Variants in IQCE observed in about 807,000 individuals in gnomAD.
IQCE encodes IQ motif containing E.
Under a neutral mutation model 96.0 loss-of-function variants are expected in IQCE, and 115 were observed. That is an observed-to-expected ratio of 1.20 (90% CI 1.03 to 1.40). IQCE has a LOEUF of 1.40. Ranked by LOEUF, IQCE falls within the 40% of genes most tolerant of loss-of-function variation. The pLI, the probability that IQCE is intolerant of heterozygous loss-of-function variation, is 0.00. For synonymous variants in IQCE, 412 were observed against 371.2 expected, an observed-to-expected ratio of 1.11 and a Z score of -1.26; for missense variants, 1,041 against 909.1, an observed-to-expected ratio of 1.15 and a Z score of -1.87.
In IQCE at chr7:2,611,506, CT is replaced by C. The variant is rs1785104296; in HGVS notation, c.*1346del. The C allele has an allele frequency of 6.6e-6, 1 of 152,272 alleles. No individual in the cohort carries two copies. The highest frequency in any genetic ancestry group is 1.5e-5 in the Non-Finnish European group (1 of 68,068). The allele number at this position is 152,272 out of a possible 1,614,324, so 9.4% of individuals were successfully genotyped here. ...GGCGCCTTTTCTGCAGCATGGCGGC[CT>C]TCTGAGTCACCTAAGCTGAGCCTGG... On this transcript the variant is annotated 3_prime_UTR_variant, in exon 22 of 22. Transcript: ENST00000402050.
chr7:2,602,479 C>T (rs1784499265), intron 18 of IQCE, among the ~76,000 whole-genome samples: 1 of 152,162 alleles, frequency 6.6e-6, no homozygotes, highest in Non-Finnish European at 1.5e-5. Flanking sequence ...GAGGACCCCG[C>T]CTCAGTCACT....
At chr7:2,578,190 G>T in intron 6 of IQCE, 52 bp from the exon 7 acceptor site, 3 of 1,384,980 alleles carry the variant, frequency 2.2e-6, no homozygotes, top group South Asian at 1.2e-5. Context: ...CGTGTGTGCG[G>T]CGTGTGCGCA....
At position 2,578,224 on chromosome 7, in the gene IQCE, G is replaced by T. The variant is rs761877942; in HGVS notation, c.466-18G>T. The T allele has an allele frequency of 3.2e-6, 5 of 1,587,290 alleles. No individual in the cohort carries two copies. In the African/African-American group the frequency reaches 6.8e-5, roughly 22 times the overall value. ...CAGCTTCGTGTGGATGGCTGTGCATGGCCCTTGTTTTCTTCAGTCATTGCA... is the reference window on the plus strand; with the variant it reads ...CAGCTTCGTGTGGATGGCTGTGCATTGCCCTTGTTTTCTTCAGTCATTGCA... On this transcript the variant is annotated intron_variant, in intron 6 of 21. Coordinates refer to ENST00000402050, the MANE Select transcript of IQCE (RefSeq NM_152558.5).
Position 2,571,427 on chromosome 7 carries a change from C to T in IQCE, c.131-99C>T, listed in dbSNP as rs1208470013. 9.4e-6 allele frequency: 14 copies of T among 1,490,978 alleles called. No individual in the cohort carries two copies. In the African/African-American group the frequency reaches 9.7e-5, roughly 10 times the overall value. 92.4% of individuals were successfully genotyped at this position (1,490,978 alleles called of 1,614,324 possible). A position where few individuals can be genotyped will look rare whatever the true frequency, so the allele number is the denominator to read the frequency against. ...AATGTTTGACTAGAGTCACCACGCT[C>T]GTGGATTTTGTTTTCCTATTTCTGT... On this transcript the variant is annotated intron_variant, in intron 3 of 21. Coordinates refer to ENST00000402050, the MANE Select transcript of IQCE (RefSeq NM_152558.5).
At chr7:2,587,188 C>G (rs572398368) in intron 12 of IQCE, among the ~76,000 whole-genome samples, 1 of 152,082 alleles carries the variant, frequency 6.6e-6, no homozygotes, top group Admixed American at 6.5e-5. Flanking sequence ...GACAGAGTTG[C>G]TATTTCCTGA....
At position 2,587,948 on chromosome 7, in the gene IQCE, G is replaced by C. The variant is rs922895543; in HGVS notation, c.1044+71G>C. The C allele has an allele frequency of 2.8e-6, 4 of 1,403,828 alleles. No individual in the cohort carries two copies. In the East Asian group the frequency reaches 9.1e-5, roughly 32 times the overall value. The allele number at this position is 1,403,828 out of a possible 1,614,324, so 87.0% of individuals were successfully genotyped here. A position where few individuals can be genotyped will look rare whatever the true frequency, so the allele number is the denominator to read the frequency against. ...CATGCTGTGGGGACGGGCTCACAGG[G>C]TGCGGAAGGTGGCGCTGAGCATGGC... On this transcript the variant is annotated intron_variant, in intron 13 of 21. Transcript: ENST00000402050.
At position 2,579,745 on chromosome 7, in the gene IQCE, G is replaced by C. The variant is rs530785804; in HGVS notation, c.630+1219G>C. ...TGTGTGTGTGTGTGTGTGTCTGTGG[G>C]TATTTTTTTTTTTCTTGAGACAGGG... On this transcript the variant is annotated intron_variant, in intron 8 of 21. Coordinates refer to ENST00000402050, the MANE Select transcript of IQCE (RefSeq NM_152558.5). Among the ~76,000 whole-genome samples the C allele has an allele frequency of 4.0e-5, 6 of 148,394 alleles. No homozygotes were observed. In the South Asian group the frequency reaches 1.3e-3, roughly 32 times the overall value.
intron 6 of IQCE, among the ~76,000 whole-genome samples, chr7:2,577,442 A>G (rs2969050): frequency 0.74 from 60,245 of 81,924 alleles, 22,340 homozygotes; most frequent in African/African-American, 0.77. Flanking sequence ...ACGCATTGGC[A>G]TGTACTTGGC....
At chr7:2,578,671 T>G in intron 8 of IQCE, 145 bp downstream of exon 8, 1 of 839,346 alleles carries the variant, frequency 1.2e-6, no homozygotes. Context: ...CCTTCTCCAC[T>G]GACACCTGGG....
intron 15 of IQCE, among the ~76,000 whole-genome samples, 199 bp downstream of exon 15, chr7:2,593,325 C>T (rs538344344): frequency 3.9e-5 from 6 of 152,380 alleles, no homozygotes; most frequent in South Asian, 2.1e-4. Flanking sequence ...CCTCTGGCAT[C>T]GTGGCCACCT....
At chr7:2,586,734 A>T (rs901079754) in intron 12 of IQCE, among the ~76,000 whole-genome samples, 18 of 152,006 alleles carry the variant, frequency 1.2e-4, no homozygotes, top group Non-Finnish European at 7.4e-5. Flanking sequence ...ACAGGAAGGC[A>T]CCCCCAAGAC....
intron 1 of IQCE, among the ~76,000 whole-genome samples, chr7:2,564,629 CCTTT>C (rs1202150532): frequency 6.6e-6 from 1 of 151,920 alleles, no homozygotes; most frequent in Non-Finnish European, 1.5e-5. Context: ...TTTGTGAATT[CCTTT>C]CTTTTGTTGA....
At chr7:2,561,281 C>T (rs905243463) in intron 1 of IQCE, among the ~76,000 whole-genome samples, 1 of 151,924 alleles carries the variant, frequency 6.6e-6, no homozygotes, top group African/African-American at 2.4e-5. Flanking sequence ...TGATTTCTTT[C>T]AGCAATGGTT....
intron 4 of IQCE, among the ~76,000 whole-genome samples, chr7:2,571,879 G>A (rs1248292014): frequency 6.6e-6 from 1 of 152,204 alleles, no homozygotes; most frequent in Non-Finnish European, 1.5e-5. Flanking sequence ...CTCTACATGG[G>A]AGTGGTGAGT....
chr7:2,582,660 G>C lies in IQCE; in HGVS notation c.701+10G>C. The C allele has an allele frequency of 6.2e-7, 1 of 1,612,148 alleles. No homozygotes were observed. The highest frequency in any genetic ancestry group is 1.7e-4 in the Middle Eastern group (1 of 6,058). On this transcript the variant is annotated intron_variant, in intron 9 of 21. Transcript: ENST00000402050. ...AGGACGGCACCATCAGGTGGGCGCA[G>C]GGCTGCACCCTCTCCCCTGCCTTCC...
Position 2,598,618 on chromosome 7 carries a change from G to T in IQCE, c.1594G>T (p.Val532Leu). ...CAGAGTCCTGCAGGCCCAGTGGAAG[G>T]TGTACAAGCACAAGGTGAGGCTCCC... ...AARVLQAQWK[V>L]YKHKKKKAVL... Residue 532 changes from valine (V) to leucine (L), a missense_variant, in exon 17 of 22, where the codon GTG becomes TTG. Physicochemically the swap from Val to Leu is conservative, Grantham distance 32. Coordinates refer to ENST00000402050, the MANE Select transcript of IQCE (RefSeq NM_152558.5). 6.4e-7 allele frequency: 1 copy of T among 1,567,802 alleles called. No individual in the cohort carries two copies. The highest frequency in any genetic ancestry group is 8.6e-7 in the Non-Finnish European group (1 of 1,156,916).
intron 14 of IQCE, among the ~76,000 whole-genome samples, chr7:2,591,462 C>T (rs1170817162): frequency 6.6e-6 from 1 of 152,112 alleles, no homozygotes; most frequent in South Asian, 2.1e-4. Context: ...AATGATGTTT[C>T]TCTCTAGTTT....
intron 18 of IQCE, among the ~76,000 whole-genome samples, chr7:2,603,136 C>T (rs905713187): frequency 3.9e-5 from 6 of 152,202 alleles, no homozygotes; most frequent in African/African-American, 4.8e-5. Flanking sequence ...CTGACAGTCC[C>T]TCCCATCCTC....
At chr7:2,582,166 A>C (rs1233802060) in intron 8 of IQCE, 8 of 432,014 alleles carry the variant, frequency 1.9e-5, no homozygotes, top group Non-Finnish European at 4.7e-6. Context: ...TCCCACCCTC[A>C]CTCACTGCCC....
Sources: allele counts gnomAD v4.1 joint callset (sites outside exome capture counted in the v4.1 genomes callset), GRCh38; gene constraint gnomAD v4.1.1; transcripts MANE v1.5; gene names NCBI Gene and HGNC (gene_info 2026-07-23, HGNC 2026-07-21).